MYO16: variants seen among roughly 807,000 people sequenced by gnomAD.
MYO16 encodes the protein myosin XVI.
In MYO16, 94 loss-of-function variants were observed where a neutral mutation model predicts 205.3. That is an observed-to-expected ratio of 0.46 (90% CI 0.39 to 0.54). The LOEUF is 0.54. MYO16 is among the 20% of genes least tolerant of loss of function. The pLI is 0.00. For missense variants in MYO16, 2,315 were observed against 2,387.5 expected (o/e 0.97, Z 0.63); for synonymous variants, 988 against 954.0 (o/e 1.04, Z -0.66).
intron 4 of MYO16, among the ~76,000 whole-genome samples, chr13:108,780,336 C>A: frequency 7.1e-6 from 1 of 141,428 alleles, no homozygotes; most frequent in African/African-American, 2.7e-5. Flanking sequence ...GTATGTTAGT[C>A]ATAAAATTAC....
chr13:108,965,462 A>G (rs1883757679), intron 20 of MYO16, among the ~76,000 whole-genome samples: 1 of 152,052 alleles, frequency 6.6e-6, no homozygotes, highest in Non-Finnish European at 1.5e-5. Flanking sequence ...GCGGGAGTGC[A>G]CGGGCACAAT....
chr13:109,084,692 A>AT (rs1321351636), intron 27 of MYO16, among the ~76,000 whole-genome samples: 1 of 151,856 alleles, frequency 6.6e-6, no homozygotes, highest in African/African-American at 2.4e-5. Context: ...AATTATTAAA[A>AT]TTTTTTCTCC....
At chr13:108,524,521 T>C in the MYO16 span, among the ~76,000 whole-genome samples, 1 of 152,160 alleles carries the variant, frequency 6.6e-6, no homozygotes, top group Non-Finnish European at 1.5e-5. Flanking sequence ...CAGTTAAACA[T>C]CTTCTTTTTA....
chr13:109,197,374 T>C (rs1880203748), intron 34 of MYO16, among the ~76,000 whole-genome samples: 1 of 152,196 alleles, frequency 6.6e-6, no homozygotes, highest in Non-Finnish European at 1.5e-5. Context: ...CTGGACTTGA[T>C]GGAGCTGAGT....
At chr13:108,831,167 G>C (rs968065548) in intron 9 of MYO16, among the ~76,000 whole-genome samples, 3 of 152,012 alleles carry the variant, frequency 2.0e-5, no homozygotes, top group African/African-American at 2.4e-5. Flanking sequence ...ATCACTTTGA[G>C]GATTGGGTTT....
intron 17 of MYO16, among the ~76,000 whole-genome samples, chr13:108,958,562 G>A (rs542726206): frequency 6.6e-6 from 1 of 152,188 alleles, no homozygotes; most frequent in Non-Finnish European, 1.5e-5. Context: ...GCATGGTGCT[G>A]TACCACAGGG....
At chr13:108,647,935 A>T (rs1461600748) in intron 1 of MYO16, among the ~76,000 whole-genome samples, 1 of 152,234 alleles carries the variant, frequency 6.6e-6, no homozygotes, top group Admixed American at 6.5e-5. Context: ...TGAATGAATG[A>T]GTTCCTTTAA....
chr13:109,034,354 G>A (rs1461193231), intron 23 of MYO16, among the ~76,000 whole-genome samples: 2 of 152,120 alleles, frequency 1.3e-5, no homozygotes, highest in Non-Finnish European at 2.9e-5. Flanking sequence ...GAATCATGGG[G>A]GTGGTTTGCC....
chr13:109,097,918 T>C (rs1312989201), intron 27 of MYO16, among the ~76,000 whole-genome samples: 1 of 152,174 alleles, frequency 6.6e-6, no homozygotes, highest in Non-Finnish European at 1.5e-5. Flanking sequence ...TACACTGACT[T>C]TTCAGTGAGA....
intron 25 of MYO16, among the ~76,000 whole-genome samples, chr13:109,053,923 C>T (rs1403407359): frequency 6.6e-6 from 1 of 152,044 alleles, no homozygotes; most frequent in Non-Finnish European, 1.5e-5. Context: ...TTTAGATTGA[C>T]AGTACATCTT....
At chr13:108,961,769 A>C in intron 18 of MYO16, 113 bp downstream of exon 18, 1 of 777,272 alleles carries the variant, frequency 1.3e-6, no homozygotes, top group Non-Finnish European at 2.2e-6. Context: ...CCTTTCCTCT[A>C]TAGTAGAATT....
At chr13:109,188,470 A>T (rs1042646965) in intron 34 of MYO16, among the ~76,000 whole-genome samples, 7 of 152,160 alleles carry the variant, frequency 4.6e-5, no homozygotes, top group African/African-American at 1.7e-4. Flanking sequence ...CTTTCATGAG[A>T]CCATTTCTAT....
intron 21 of MYO16, among the ~76,000 whole-genome samples, chr13:109,002,974 G>A (rs1885266907): frequency 6.6e-6 from 1 of 152,050 alleles, no homozygotes; most frequent in African/African-American, 2.4e-5. Flanking sequence ...ATGTTCTAGT[G>A]GTTTTGAATT....
chr13:109,109,332 G>T (rs1021374929), intron 28 of MYO16, among the ~76,000 whole-genome samples: 72 of 152,294 alleles, frequency 4.7e-4, no homozygotes, highest in East Asian at 1.9e-4. Flanking sequence ...CAAGGAGAAG[G>T]TGTGTTTAGA....
intron 27 of MYO16, among the ~76,000 whole-genome samples, chr13:109,080,064 T>C (rs35887308): frequency 0.57 from 85,749 of 151,436 alleles, 24,460 homozygotes; most frequent in Non-Finnish European, 0.6. Context: ...TTAGTAGAGA[T>C]GGGGTTTCAC....
At chr13:109,130,377 C>T in intron 31 of MYO16, among the ~76,000 whole-genome samples, 1 of 152,212 alleles carries the variant, frequency 6.6e-6, no homozygotes, top group Middle Eastern at 3.2e-3. Flanking sequence ...TTCTTTCTTA[C>T]AGTACATAAT....
intron 16 of MYO16, among the ~76,000 whole-genome samples, chr13:108,939,078 A>G (rs749195487): frequency 6.6e-6 from 1 of 152,222 alleles, no homozygotes. Flanking sequence ...ACTCCAGAGC[A>G]GGCTCTCCAA....
intron 13 of MYO16, among the ~76,000 whole-genome samples, chr13:108,884,051 C>T (rs545933220): frequency 6.6e-6 from 1 of 152,274 alleles, no homozygotes; most frequent in East Asian, 1.9e-4. Context: ...CAAACCTCTA[C>T]AAGGGAGGGA....
At chr13:109,025,791 AT>A (rs1443977905) in intron 23 of MYO16, among the ~76,000 whole-genome samples, 1 of 152,214 alleles carries the variant, frequency 6.6e-6, no homozygotes, top group Non-Finnish European at 1.5e-5. Flanking sequence ...AAGAAATAGT[AT>A]TTTTAAGTTC....
Sources: gnomAD v4.1 joint callset for allele counts (sites outside exome capture counted in the v4.1 genomes callset) on GRCh38, gnomAD v4.1.1 for gene constraint, MANE v1.5 for transcripts, NCBI Gene and HGNC (gene_info 2026-07-23, HGNC 2026-07-21) for gene names.